The following IPP variants were observed in gnomAD, a reference collection of about 807,000 sequenced individuals.
The protein encoded by IPP is intracisternal A particle-promoted polypeptide.
IPP carries 41 observed loss-of-function variants against 64.1 expected under a neutral mutation model. The ratio of observed to expected loss-of-function variants is 0.64; its 90% CI spans 0.50 to 0.83. The LOEUF is 0.83. IPP is among the 40% of genes least tolerant of loss of function. The pLI is 0.00. For synonymous variants in IPP, 214 were observed against 235.2 expected, an observed-to-expected ratio of 0.91 and a Z score of 0.83; for missense variants, 649 against 703.0, an observed-to-expected ratio of 0.92 and a Z score of 0.87.
chr1:45,704,219 T>C (rs1433015915), intron 8 of IPP, among the ~76,000 whole-genome samples: 1 of 151,966 alleles, frequency 6.6e-6, no homozygotes, highest in African/African-American at 2.4e-5. Flanking sequence ...GAATGAAATA[T>C]TGAGGATAAT....
intron 5 of IPP, among the ~76,000 whole-genome samples, chr1:45,726,115 A>C (rs976519175): frequency 1.3e-5 from 2 of 151,056 alleles, no homozygotes; most frequent in African/African-American, 4.9e-5. Flanking sequence ...ATAAATAAAT[A>C]AAGAGTTCAA....
intron 3 of IPP, among the ~76,000 whole-genome samples, chr1:45,738,772 G>A (rs1287652637): frequency 1.4e-5 from 2 of 147,668 alleles, no homozygotes; most frequent in African/African-American, 2.5e-5. Flanking sequence ...CCCAGGAGGC[G>A]GAGCTTGCAG....
intron 8 of IPP, among the ~76,000 whole-genome samples, chr1:45,700,578 T>C (rs1645439347): frequency 1.3e-5 from 2 of 152,128 alleles, no homozygotes; most frequent in South Asian, 4.1e-4. Flanking sequence ...ACTCAAGTGA[T>C]TGTCCCACCT....
At chr1:45,696,892 G>C (rs1645392698), downstream of IPP, 3 of 152,190 alleles carry the variant, frequency 2.0e-5, no homozygotes, top group Admixed American at 6.5e-5. Flanking sequence ...TGACTGCCTT[G>C]ACATTACATT....
In IPP at chr1:45,714,264, T is replaced by G; in HGVS notation, c.1512A>C (p.Glu504Asp). Residue 504 changes from glutamate to aspartate, a missense_variant, in exon 8 of 9, where the codon GAA becomes GAC. Transcript: ENST00000396478. Reference sequence around the variant, plus strand: ...AACCTACCTCTTCAAAGGAATATTTTTCTACAGTATGAAGAGCATCTTGGG... The same window carrying G: ...AACCTACCTCTTCAAAGGAATATTTGTCTACAGTATGAAGAGCATCTTGGG... ...NETQDALHTVEKYSFEEEKWV... is the reference protein window; with the variant it reads ...NETQDALHTVDKYSFEEEKWV... 1 of 1,612,870 alleles carries G rather than the reference T, an allele frequency of 6.2e-7. No individual in the cohort carries two copies. The highest frequency in any genetic ancestry group is 8.5e-7 in the Non-Finnish European group (1 of 1,178,826).
Position 45,741,253 on chromosome 1 carries a change from A to G in IPP, c.372T>C (p.His124=). Residue 124 remains histidine (H), a synonymous_variant, in exon 3 of 9, where the codon CAT becomes CAC. Coordinates refer to ENST00000396478, the MANE Select transcript of IPP (RefSeq NM_005897.3). ...ADMLQLTEVV[H]LCCEFLKGQI... ...GTCCTTTCAGAAATTCACAGCAAAG[A>G]TGAACAACTTCAGTCAACTGTAGCA... is the stretch of plus-strand genomic sequence containing the variant. 4 of 1,614,130 alleles carry G rather than the reference A, an allele frequency of 2.5e-6. No homozygotes were observed. The highest frequency in any genetic ancestry group is 2.5e-6 in the Non-Finnish European group (3 of 1,179,956).
At chr1:45,707,343 A>AACC (rs1257980834) in intron 8 of IPP, among the ~76,000 whole-genome samples, 1 of 150,298 alleles carries the variant, frequency 6.7e-6, no homozygotes, top group Non-Finnish European at 1.5e-5. Flanking sequence ...GAATGGCGTG[A>AACC]ACCTGGGAGG....
Position 45,699,255 on chromosome 1 carries a change from T to C in IPP, c.*711A>G. On this transcript the variant is annotated 3_prime_UTR_variant, in exon 9 of 9. Transcript: ENST00000396478. ...AGGATATCTGCTGCCAATAAAAAGT[T>C]TGGGGCTAGTGAAAACTCTTGGCAT... 13 of 985,370 alleles carry C rather than the reference T, an allele frequency of 1.3e-5. No homozygotes were observed. Among genetic ancestry groups the C allele is most frequent in the Non-Finnish European group, 1.6e-5 (13 of 829,898 alleles). 61.0% of individuals were successfully genotyped at this position (985,370 alleles called of 1,614,324 possible). A position where few individuals can be genotyped will look rare whatever the true frequency, so the allele number is the denominator to read the frequency against.
At chr1:45,719,020 G>T (rs190061722) in intron 6 of IPP, among the ~76,000 whole-genome samples, 183 bp downstream of exon 6, 1 of 151,986 alleles carries the variant, frequency 6.6e-6, no homozygotes, top group East Asian at 1.9e-4. Context: ...TGGATTGTTT[G>T]TAACATAAAG....
chr1:45,701,693 T>C (rs974344632), intron 8 of IPP, among the ~76,000 whole-genome samples: 1 of 152,186 alleles, frequency 6.6e-6, no homozygotes, highest in African/African-American at 2.4e-5. Flanking sequence ...GGCCAGGTAA[T>C]GGGAGAACAG....
chr1:45,717,221 GAA>G (rs56338317), intron 6 of IPP, among the ~76,000 whole-genome samples: 26,737 of 94,950 alleles, frequency 0.28, 1,663 homozygotes, highest in East Asian at 0.34. Context: ...GCTCTTTTGA[GAA>G]AAAAAAAAAA....
chr1:45,719,166 C>G, intron 6 of IPP, 37 bp downstream of exon 6: 1 of 1,601,390 alleles, frequency 6.2e-7, no homozygotes, highest in Non-Finnish European at 8.5e-7. Flanking sequence ...AATACATAAA[C>G]AATATTAGCT....
chr1:45,740,773 A>G (rs939450931), intron 3 of IPP, 128 bp downstream of exon 3: 2 of 570,324 alleles, frequency 3.5e-6, no homozygotes, highest in East Asian at 3.0e-5. Flanking sequence ...TTAAAAAAAG[A>G]AAAAAAAAGA....
rs542954763 is a variant in IPP, at chr1:45,735,849, C to T, written c.724+5052G>A. On this transcript the variant is annotated intron_variant, in intron 3 of 8. Coordinates refer to ENST00000396478, the MANE Select transcript of IPP (RefSeq NM_005897.3). Reference sequence around the variant, plus strand: ...TTTGTAGGCCAGGCGCGGTGTCTCACGCCTGTAATCCCAGCACTTTGGGAG... The same window carrying T: ...TTTGTAGGCCAGGCGCGGTGTCTCATGCCTGTAATCCCAGCACTTTGGGAG... 3.4e-5 allele frequency among the ~76,000 whole-genome samples: 5 copies of T among 146,212 alleles called. No homozygotes were observed. In the East Asian group the frequency reaches 6.0e-4, roughly 17 times the overall value.
chr1:45,727,783 A>T lies in IPP; in HGVS notation c.896T>A (p.Leu299Ter), dbSNP rs1645850956. The T allele has an allele frequency of 1.3e-6, 2 of 1,555,670 alleles. No individual in the cohort carries two copies. Among genetic ancestry groups the T allele is most frequent in the Non-Finnish European group, 1.8e-6 (2 of 1,138,800 alleles). Residue 299 changes from leucine (L) to a stop codon, truncating the protein, a stop_gained, in exon 5 of 9, where the codon TTG becomes TAG. Coordinates refer to ENST00000396478, the MANE Select transcript of IPP (RefSeq NM_005897.3). LOFTEE classifies it high-confidence loss of function. ...YLYAVGGYTR[L>*]QGGRWSDSRA... ...GCTATCACTCCAGCGACCCCCCTGC[A>T]ACCGAGTATATCCACCTAAACAAAA... is the stretch of plus-strand genomic sequence containing the variant.
chr1:45,696,512 G>A (rs1291774610), downstream of IPP, among the ~76,000 whole-genome samples: 1 of 152,224 alleles, frequency 6.6e-6, no homozygotes, highest in Non-Finnish European at 1.5e-5. Context: ...CTGGTGAGGT[G>A]GCTCATGCCT....
chr1:45,735,780 A>ACACCACACAGGCCACCACACCAGGC (rs1553192881), intron 3 of IPP, among the ~76,000 whole-genome samples: 7 of 148,820 alleles, frequency 4.7e-5, no homozygotes, highest in Non-Finnish European at 8.9e-5. Context: ...CAGATGCGTG[A>ACACCACACAGGCCACCACACCAGGC]CACCACACCA....
Position 45,740,960 on chromosome 1 carries a change from A to C in IPP, c.665T>G (p.Val222Gly), listed in dbSNP as rs1338957115. ...LGKRRKHVVE[V>G]LDPIRFPLLP... is the part of the protein sequence containing the mutation. ...TAAAGGGAATCGAATTGGGTCTAGC[A>C]CTTCCACCACATGTTTTCTTCTTTT... Residue 222 changes from valine to glycine, a missense_variant, in exon 3 of 9, where the codon GTG becomes GGG. Coordinates refer to ENST00000396478, the MANE Select transcript of IPP (RefSeq NM_005897.3). The C allele has an allele frequency of 6.2e-7, 1 of 1,613,712 alleles. No individual in the cohort carries two copies. The highest frequency in any genetic ancestry group is 8.5e-7 in the Non-Finnish European group (1 of 1,179,848).
chr1:45,721,091 A>G (rs1645724875), intron 5 of IPP, among the ~76,000 whole-genome samples: 1 of 152,250 alleles, frequency 6.6e-6, no homozygotes, highest in Non-Finnish European at 1.5e-5. Flanking sequence ...ATATGACTTT[A>G]TGAGGGTCTA....
Sources: gnomAD v4.1 joint callset for allele counts (sites outside exome capture counted in the v4.1 genomes callset) on GRCh38, gnomAD v4.1.1 for gene constraint, MANE v1.5 for transcripts, NCBI Gene and HGNC (gene_info 2026-07-23, HGNC 2026-07-21) for gene names.